The following KIAA1217 variants were observed in gnomAD, a reference collection of about 807,000 sequenced individuals.
KIAA1217 encodes KIAA1217.
Under a neutral mutation model 163.9 loss-of-function variants are expected in KIAA1217, and 88 were observed. The ratio of observed to expected loss-of-function variants is 0.54; its 90% CI spans 0.45 to 0.64. The LOEUF (loss-of-function observed/expected upper bound fraction) is 0.64. Ranked by LOEUF, KIAA1217 falls within the 30% of genes least tolerant of loss-of-function variation. KIAA1217 has a pLI of 0.00. For synonymous variants in KIAA1217, 903 were observed against 923.1 expected (o/e 0.98, Z 0.39); for missense variants, 2,372 against 2,475.0 (o/e 0.96, Z 0.88).
intron 1 of KIAA1217, among the ~76,000 whole-genome samples, chr10:23,704,172 G>GTATATA (rs35533445): frequency 0.026 from 1,046 of 39,862 alleles, 36 homozygotes; most frequent in Non-Finnish European, 0.031. Flanking sequence ...GTGTGTGTGT[G>GTATATA]TATATATATA....
At chr10:24,075,950 T>C (rs555670744) in intron 2 of KIAA1217, among the ~76,000 whole-genome samples, 14 of 152,210 alleles carry the variant, frequency 9.2e-5, no homozygotes, top group African/African-American at 2.9e-4. Context: ...ATTTTTTTTT[T>C]CAAATTCTGA....
chr10:24,063,676 A>G (rs2060822604), intron 2 of KIAA1217, among the ~76,000 whole-genome samples: 1 of 152,184 alleles, frequency 6.6e-6, no homozygotes, highest in South Asian at 2.1e-4. Context: ...AATTCTGTGA[A>G]GAAAGTCATT....
At chr10:24,249,368 T>G (rs1340927472) in intron 2 of KIAA1217, among the ~76,000 whole-genome samples, 1 of 152,218 alleles carries the variant, frequency 6.6e-6, no homozygotes, top group East Asian at 1.9e-4. Flanking sequence ...GAGCCCGTAC[T>G]GTGCAAATCA....
intron 1 of KIAA1217, among the ~76,000 whole-genome samples, chr10:23,990,971 A>G (rs1846193018): frequency 6.6e-6 from 1 of 152,212 alleles, no homozygotes. Context: ...GGCAAGTGAG[A>G]TAAAGTGACA....
intron 2 of KIAA1217, among the ~76,000 whole-genome samples, chr10:24,261,419 C>T (rs1262621443): frequency 2.0e-5 from 3 of 150,358 alleles, no homozygotes; most frequent in Non-Finnish European, 4.4e-5. Context: ...ATCCTTGAAC[C>T]TGGGAGGCAG....
At chr10:23,773,212 C>G (rs10508665) in intron 1 of KIAA1217, among the ~76,000 whole-genome samples, 1 of 152,010 alleles carries the variant, frequency 6.6e-6, no homozygotes, top group Non-Finnish European at 1.5e-5. Context: ...TTATTGTACA[C>G]TCAGGGAATC....
At chr10:24,341,360 A>G (rs1259460160) in intron 2 of KIAA1217, among the ~76,000 whole-genome samples, 1 of 151,870 alleles carries the variant, frequency 6.6e-6, no homozygotes, top group African/African-American at 2.4e-5. Flanking sequence ...TCAAGCCAAG[A>G]TGATTCTTTC....
intron 1 of KIAA1217, among the ~76,000 whole-genome samples, chr10:23,971,651 A>AAAG (rs1231089574): frequency 6.6e-6 from 1 of 152,204 alleles, no homozygotes; most frequent in Non-Finnish European, 1.5e-5. Flanking sequence ...GAGAGAAATC[A>AAAG]AAGTATTTTA....
At position 24,215,466 on chromosome 10, in the gene KIAA1217, T is replaced by C. The variant is rs551914039; in HGVS notation, c.71-4160T>C. Among the ~76,000 whole-genome samples, 25 of 152,354 alleles carry C rather than the reference T, an allele frequency of 1.6e-4. No homozygotes were observed. The South Asian group carries it at 5.2e-3, about 32-fold the overall frequency. ...TCCAAACAAGAAATCGAATTGTATT[T>C]CTGTTTTGATGACTTGGATAATCCA... is the stretch of plus-strand genomic sequence containing the variant. On this transcript the variant is annotated intron_variant, in intron 1 of 20. Transcript: ENST00000376454.
At chr10:23,993,567 T>TTTTTTTTTTTG (rs1846324583) in intron 1 of KIAA1217, among the ~76,000 whole-genome samples, 1 of 132,244 alleles carries the variant, frequency 7.6e-6, no homozygotes, top group Non-Finnish European at 1.6e-5. Flanking sequence ...TTTTTTTTTT[T>TTTTTTTTTTTG]TTTTTTGAGA....
At chr10:23,898,860 T>C (rs1345251273) in intron 1 of KIAA1217, among the ~76,000 whole-genome samples, 2 of 152,094 alleles carry the variant, frequency 1.3e-5, no homozygotes, top group East Asian at 3.9e-4. Flanking sequence ...GCTTATTTCA[T>C]TTAGCATAAT....
Position 24,317,964 on chromosome 10 carries a change from G to A in KIAA1217, c.355-62905G>A, listed in dbSNP as rs117348960. Reference sequence around the variant, plus strand: ...GGCCTAGATATTTGGTCAAACCCCTGACTGGGTATTGCTGTGAAGGTTTGT... The same window carrying A: ...GGCCTAGATATTTGGTCAAACCCCTAACTGGGTATTGCTGTGAAGGTTTGT... On this transcript the variant is annotated intron_variant, in intron 2 of 20. Transcript: ENST00000376454. Among the ~76,000 whole-genome samples the A allele has an allele frequency of 7.5e-3, 1,139 of 152,068 alleles. 3 individuals carry two copies. The highest frequency in any genetic ancestry group is 0.011 in the Non-Finnish European group (764 of 67,892).
chr10:24,158,562 C>A, intron 2 of KIAA1217: 1 of 508,564 alleles, frequency 2.0e-6, no homozygotes. Flanking sequence ...CCTGTATTGA[C>A]TAAACTGTAA....
rs35168053 is a variant in KIAA1217, at chr10:24,074,703, C to CT, written c.-171+67347dup. Among the ~76,000 whole-genome samples, 160 of 99,452 alleles carry CT rather than the reference C, an allele frequency of 1.6e-3. 1 individual carries two copies. Among genetic ancestry groups the CT allele is most frequent in the Middle Eastern group, 5.1e-3 (1 of 196 alleles). 65.2% of individuals were successfully genotyped at this position (99,452 alleles called of 152,430 possible). A position where few individuals can be genotyped will look rare whatever the true frequency, so the allele number is the denominator to read the frequency against. On this transcript the variant is annotated intron_variant, in intron 2 of 18. Coordinates refer to the KIAA1217 transcript ENST00000376462. ...TCTTCCTCTTCCTCTTCTTCTTCTTCTTTTTTTTTTTTTTTTTTGAGATAG... is the reference window on the plus strand; with the variant it reads ...TCTTCCTCTTCCTCTTCTTCTTCTTCTTTTTTTTTTTTTTTTTTTGAGATAG...
intron 1 of KIAA1217, among the ~76,000 whole-genome samples, chr10:23,976,793 A>G (rs916338697): frequency 6.6e-6 from 1 of 152,224 alleles, no homozygotes; most frequent in Non-Finnish European, 1.5e-5. Flanking sequence ...GTAAAGTCCT[A>G]CTGAAGACAA....
intron 1 of KIAA1217, among the ~76,000 whole-genome samples, chr10:24,213,761 G>T (rs1442685170): frequency 6.6e-6 from 1 of 152,114 alleles, no homozygotes; most frequent in African/African-American, 2.4e-5. Context: ...TCTCTATTTT[G>T]TCTAAGATCT....
intron 1 of KIAA1217, among the ~76,000 whole-genome samples, chr10:24,000,666 A>C (rs1480761635): frequency 6.6e-6 from 1 of 152,150 alleles, no homozygotes; most frequent in Non-Finnish European, 1.5e-5. Flanking sequence ...TGATCTGAAC[A>C]GTCATGGAAA....
intron 2 of KIAA1217, among the ~76,000 whole-genome samples, chr10:24,183,917 C>G (rs907443283): frequency 6.6e-6 from 1 of 152,162 alleles, no homozygotes; most frequent in African/African-American, 2.4e-5. Context: ...TAAATATCCC[C>G]AATTCCCTCA....
chr10:24,158,293 G>T, intron 2 of KIAA1217: 1 of 704,294 alleles, frequency 1.4e-6, no homozygotes, highest in Non-Finnish European at 2.7e-6. Context: ...TTCCCGGTTG[G>T]ATCCTTTTTA....
Sources: allele counts gnomAD v4.1 joint callset (sites outside exome capture counted in the v4.1 genomes callset), GRCh38; gene constraint gnomAD v4.1.1; transcripts MANE v1.5; gene names NCBI Gene and HGNC (gene_info 2026-07-23, HGNC 2026-07-21).